KCND2: variants seen among roughly 807,000 people sequenced by gnomAD.
KCND2 encodes potassium voltage-gated channel subfamily D member 2.
KCND2 carries 16 observed loss-of-function variants against 54.4 expected under a neutral mutation model. The observed-to-expected ratio is 0.29, with a 90% CI of 0.20 to 0.45. The LOEUF is 0.45. KCND2 is among the 20% of genes least tolerant of loss of function. The pLI is 1.00. For synonymous variants in KCND2, 317 were observed against 310.7 expected (o/e 1.02, Z -0.21); for missense variants, 486 against 824.2 (o/e 0.59, Z 5.02).
rs150660511 is a variant in KCND2, at chr7:120,389,984, T to G, written c.1115+114237T>G. 2.2e-4 allele frequency among the ~76,000 whole-genome samples: 34 copies of G among 152,048 alleles called. No individual in the cohort carries two copies. In the South Asian group the frequency reaches 4.4e-3, roughly 19 times the overall value. ...GTTCACCATAAACTTATGTTCATGG[T>G]CTTTATTGGATAATGGATAGAAATG... On this transcript the variant is annotated intron_variant, in intron 1 of 5. Coordinates refer to ENST00000331113, the MANE Select transcript of KCND2 (RefSeq NM_012281.3).
intron 1 of KCND2, among the ~76,000 whole-genome samples, chr7:120,319,392 T>G (rs928816341): frequency 6.6e-6 from 1 of 152,112 alleles, no homozygotes; most frequent in African/African-American, 2.4e-5. Flanking sequence ...CATTTACTCT[T>G]CTATCACATA....
intron 1 of KCND2, among the ~76,000 whole-genome samples, chr7:120,571,263 T>C (rs2116426447): frequency 6.6e-6 from 1 of 152,294 alleles, no homozygotes; most frequent in South Asian, 2.1e-4. Context: ...TTTTGAATTG[T>C]AGAGAGAAGC....
chr7:120,303,786 A>T (rs1443437060), intron 1 of KCND2, among the ~76,000 whole-genome samples: 1 of 152,144 alleles, frequency 6.6e-6, no homozygotes, highest in Admixed American at 6.5e-5. Context: ...TCTGTTTGTC[A>T]ATGTATCCTT....
intron 1 of KCND2, among the ~76,000 whole-genome samples, chr7:120,656,585 TTATACAATGTGGAAAACCTGTG>T (rs1313380771): frequency 1.3e-5 from 2 of 152,218 alleles, no homozygotes; most frequent in South Asian, 2.1e-4. Context: ...TGAAGTAATT[TTATACAATGTGGAAAACCTGTG>T]AAGTGTAACA....
chr7:120,746,054 A>G (rs778012763), intron 5 of KCND2, 27 bp downstream of exon 5: 1 of 1,609,514 alleles, frequency 6.2e-7, no homozygotes, highest in East Asian at 2.2e-5. Context: ...TGTGTTGTCT[A>G]CACACCTGTG....
intron 1 of KCND2, among the ~76,000 whole-genome samples, chr7:120,626,257 A>C (rs1342239026): frequency 2.0e-5 from 3 of 152,202 alleles, no homozygotes; most frequent in African/African-American, 7.2e-5. Context: ...ATAAAATAAA[A>C]GTATTTATTC....
chr7:120,642,922 T>C (rs1287000817), intron 1 of KCND2, among the ~76,000 whole-genome samples: 1 of 152,226 alleles, frequency 6.6e-6, no homozygotes, highest in Non-Finnish European at 1.5e-5. Context: ...TTCCACAACA[T>C]GTATCAGAAT....
At chr7:120,333,290 C>T (rs899565317) in intron 1 of KCND2, among the ~76,000 whole-genome samples, 1 of 152,058 alleles carries the variant, frequency 6.6e-6, no homozygotes, top group Admixed American at 6.5e-5. Context: ...AAAGGGCTTA[C>T]AAATATATGG....
At chr7:120,572,933 A>C (rs936569491) in intron 1 of KCND2, among the ~76,000 whole-genome samples, 2 of 152,190 alleles carry the variant, frequency 1.3e-5, no homozygotes, top group African/African-American at 2.4e-5. Flanking sequence ...CAAACATGAG[A>C]TATTTTTCTT....
chr7:120,563,952 A>G (rs1792266496), intron 1 of KCND2, among the ~76,000 whole-genome samples: 1 of 152,196 alleles, frequency 6.6e-6, no homozygotes, highest in South Asian at 2.1e-4. Context: ...TTGCCTCTTT[A>G]CATATAATCT....
At position 120,403,608 on chromosome 7, in the gene KCND2, G is replaced by T. The variant is rs548902129; in HGVS notation, c.1115+127861G>T. 4.0e-5 allele frequency among the ~76,000 whole-genome samples: 6 copies of T among 151,728 alleles called. No individual in the cohort carries two copies. The South Asian group carries it at 6.2e-4, about 16-fold the overall frequency. On this transcript the variant is annotated intron_variant, in intron 1 of 5. Transcript: ENST00000331113. Reference sequence around the variant, plus strand: ...GCCTCCCAAAGTACTGGGATTACTGGCATGAGCCACCATGCCAGGTGATTT... The same window carrying T: ...GCCTCCCAAAGTACTGGGATTACTGTCATGAGCCACCATGCCAGGTGATTT...
Position 120,419,341 on chromosome 7 carries a change from A to T in KCND2, c.1115+143594A>T, listed in dbSNP as rs185320551. The stretch of plus-strand genomic sequence containing the variant: ...TGAATTTCCCATTGCTTTTGCATTT[A>T]AAAAAAATAAAACTAAAAGAATTGG... On this transcript the variant is annotated intron_variant, in intron 1 of 5. Coordinates refer to ENST00000331113, the MANE Select transcript of KCND2 (RefSeq NM_012281.3). 5.4e-3 allele frequency among the ~76,000 whole-genome samples: 821 copies of T among 152,078 alleles called. 4 individuals are homozygous for T. Among genetic ancestry groups the T allele is most frequent in the Admixed American group, 8.5e-3 (129 of 15,262 alleles).
At chr7:120,336,136 G>A (rs1052048903) in intron 1 of KCND2, among the ~76,000 whole-genome samples, 1 of 152,106 alleles carries the variant, frequency 6.6e-6, no homozygotes, top group Non-Finnish European at 1.5e-5. Flanking sequence ...GAATTAGTCG[G>A]AAGTAACCAA....
chr7:120,516,632 G>C (rs537324273), intron 1 of KCND2, among the ~76,000 whole-genome samples: 1 of 151,972 alleles, frequency 6.6e-6, no homozygotes. Flanking sequence ...ATTTACTGCC[G>C]GACTCTCCAA....
intron 1 of KCND2, among the ~76,000 whole-genome samples, chr7:120,350,076 A>G (rs1800380631): frequency 6.6e-6 from 1 of 152,132 alleles, no homozygotes; most frequent in Non-Finnish European, 1.5e-5. Context: ...TTTTTCAGAC[A>G]TATAATAATA....
At chr7:120,735,169 T>G (rs550319443) in intron 2 of KCND2, among the ~76,000 whole-genome samples, 24 of 151,988 alleles carry the variant, frequency 1.6e-4, no homozygotes, top group Non-Finnish European at 2.8e-4. Flanking sequence ...TATAGAGAAC[T>G]GATCATCTAA....
intron 1 of KCND2, among the ~76,000 whole-genome samples, chr7:120,673,994 T>A (rs958403374): frequency 1.3e-5 from 2 of 150,830 alleles, no homozygotes; most frequent in African/African-American, 4.9e-5. Flanking sequence ...AACCTCTGCC[T>A]CCCAGGTTCA....
intron 1 of KCND2, among the ~76,000 whole-genome samples, chr7:120,453,809 A>G (rs1411031187): frequency 1.3e-5 from 2 of 152,234 alleles, no homozygotes; most frequent in African/African-American, 2.4e-5. Context: ...AAAAGAGTCC[A>G]GGCACAATGG....
At chr7:120,661,658 A>G (rs1035430098) in intron 1 of KCND2, among the ~76,000 whole-genome samples, 1 of 145,352 alleles carries the variant, frequency 6.9e-6, no homozygotes, top group African/African-American at 2.7e-5. Context: ...TCAAAAAAAA[A>G]AAAGAAAGAA....
Sources: allele counts gnomAD v4.1 joint callset (sites outside exome capture counted in the v4.1 genomes callset), GRCh38; gene constraint gnomAD v4.1.1; transcripts MANE v1.5; gene names NCBI Gene and HGNC (gene_info 2026-07-23, HGNC 2026-07-21).